Variants in PLEKHG4B observed in about 807,000 individuals in gnomAD.
The protein encoded by PLEKHG4B is pleckstrin homology domain-containing family G member 4B.
Under a neutral mutation model 121.3 loss-of-function variants are expected in PLEKHG4B, and 111 were observed. That is an observed-to-expected ratio of 0.92 (90% CI 0.78 to 1.07). The LOEUF is 1.07. PLEKHG4B is among the 50% of genes least tolerant of loss of function. The pLI is 0.00. For synonymous variants in PLEKHG4B, 738 were observed against 725.0 expected (o/e 1.02, Z -0.29); for missense variants, 1,831 against 1,757.8 (o/e 1.04, Z -0.74).
chr5:155,725 C>T (rs149017783), intron 9 of PLEKHG4B, among the ~76,000 whole-genome samples: 30 of 152,314 alleles, frequency 2.0e-4, no homozygotes, highest in African/African-American at 5.3e-4. Flanking sequence ...GCCATTCCAA[C>T]AAGACACAGA....
intron 6 of PLEKHG4B, among the ~76,000 whole-genome samples, chr5:146,402 C>T: frequency 6.9e-6 from 1 of 145,414 alleles, no homozygotes; most frequent in Non-Finnish European, 1.5e-5. Context: ...TGTAGCCCTC[C>T]ATCCTCTCCC....
chr5:120,442 A>C (rs1734434469), intron 2 of PLEKHG4B, among the ~76,000 whole-genome samples: 1 of 152,220 alleles, frequency 6.6e-6, no homozygotes, highest in Non-Finnish European at 1.5e-5. Flanking sequence ...TTGAAACTAG[A>C]GATAGGCTGA....
rs906666890 is a variant in PLEKHG4B, at chr5:187,352, T to A, written c.*5029T>A. 2 of 152,332 alleles carry A rather than the reference T, an allele frequency of 1.3e-5. No individual in the cohort carries two copies. The highest frequency in any genetic ancestry group is 2.9e-5 in the Non-Finnish European group (2 of 68,150). 9.4% of individuals were successfully genotyped at this position (152,332 alleles called of 1,614,324 possible). A position where few individuals can be genotyped will look rare whatever the true frequency, so the allele number is the denominator to read the frequency against. On this transcript the variant is annotated 3_prime_UTR_variant, in exon 20 of 20. Transcript: ENST00000637938. ...GTGAGGGCTGTGGCTTAGCTGGGCC[T>A]GCGTCCATCCCCGGTTCTGGGGAGA...
intron 16 of PLEKHG4B, 35 bp downstream of exon 16, chr5:171,479 T>C (rs771941195): frequency 1.3e-6 from 2 of 1,527,242 alleles, no homozygotes; most frequent in Non-Finnish European, 1.8e-6. Flanking sequence ...TCAGGCAAGC[T>C]GGGGGAATTT....
At chr5:136,252 T>C (rs1382792273) in intron 2 of PLEKHG4B, among the ~76,000 whole-genome samples, 1 of 152,126 alleles carries the variant, frequency 6.6e-6, no homozygotes, top group Non-Finnish European at 1.5e-5. Context: ...CTTCATGACA[T>C]CCAATTTGGC....
intron 2 of PLEKHG4B, among the ~76,000 whole-genome samples, chr5:134,835 C>T (rs2126387842): frequency 6.6e-6 from 1 of 150,646 alleles, no homozygotes; most frequent in East Asian, 2.0e-4. Context: ...TTGGAGGATA[C>T]AAAATCAACA....
chr5:144,643 A>G (rs1050008355), intron 5 of PLEKHG4B, among the ~76,000 whole-genome samples, 184 bp from the exon 6 acceptor site: 3 of 152,214 alleles, frequency 2.0e-5, no homozygotes, highest in African/African-American at 7.2e-5. Flanking sequence ...CGAGAGGAAC[A>G]ACGTCAGTGC....
intron 2 of PLEKHG4B, among the ~76,000 whole-genome samples, chr5:119,084 T>C (rs1734391551): frequency 6.6e-6 from 1 of 152,132 alleles, no homozygotes; most frequent in Non-Finnish European, 1.5e-5. Flanking sequence ...GGTCTCAAAC[T>C]CCTGGGCTTA....
Position 113,587 on chromosome 5 carries a change from C to G in PLEKHG4B, c.243+139C>G. 1 of 397,890 alleles carries G rather than the reference C, an allele frequency of 2.5e-6. No homozygotes were observed. Among genetic ancestry groups the G allele is most frequent in the Non-Finnish European group, 4.4e-6 (1 of 226,160 alleles). 24.6% of individuals were successfully genotyped at this position (397,890 alleles called of 1,614,324 possible). Reference sequence around the variant, plus strand: ...GCTTCTGGCTCCTCCCACCCTCATCCCAAATGAAGGGTCAAACAAGGCTGC... The same window carrying G: ...GCTTCTGGCTCCTCCCACCCTCATCGCAAATGAAGGGTCAAACAAGGCTGC... On this transcript the variant is annotated intron_variant, in intron 2 of 19. Coordinates refer to ENST00000637938, the MANE Select transcript of PLEKHG4B (RefSeq NM_052909.5). The surrounding 1 kb of genome is among the most constrained non-coding windows in gnomAD (Gnocchi z 5.2).
chr5:101,822 G>A (rs371528845), intron 1 of PLEKHG4B, among the ~76,000 whole-genome samples: 247 of 56,786 alleles, frequency 4.3e-3, no homozygotes, highest in African/African-American at 7.7e-3. Context: ...AAGCCCTGGA[G>A]AAAGTCTATA....
intron 6 of PLEKHG4B, among the ~76,000 whole-genome samples, chr5:147,900 T>C (rs1189480638): frequency 6.6e-6 from 1 of 152,080 alleles, no homozygotes; most frequent in African/African-American, 2.4e-5. Flanking sequence ...CCTGACCAAG[T>C]ACAGTTTGTT....
Position 169,329 on chromosome 5 carries a change from G to C in PLEKHG4B, c.3477-11G>C. 1 of 1,613,292 alleles carries C rather than the reference G, an allele frequency of 6.2e-7. No individual in the cohort carries two copies. Among genetic ancestry groups the C allele is most frequent in the Non-Finnish European group, 8.5e-7 (1 of 1,179,480 alleles). On this transcript the variant is annotated splice_polypyrimidine_tract_variant and intron_variant, in intron 13 of 19. Coordinates refer to ENST00000637938, the MANE Select transcript of PLEKHG4B (RefSeq NM_052909.5). ...GGGCCGTGTGCCCCCCGGGATCTCT[G>C]TGTCTTCCAGCAGCCGACTGAGGCA...
chr5:170,424 T>C (rs1736504505), intron 14 of PLEKHG4B, among the ~76,000 whole-genome samples: 2 of 152,088 alleles, frequency 1.3e-5, no homozygotes, highest in African/African-American at 4.8e-5. Context: ...TGCCTCAGCC[T>C]CTTGAGTAGC....
At chr5:92,618 G>GAAC (rs897933421) in intron 1 of PLEKHG4B, among the ~76,000 whole-genome samples, 8 of 151,602 alleles carry the variant, frequency 5.3e-5, no homozygotes, top group Non-Finnish European at 1.2e-4. Context: ...GCTGCTGCGG[G>GAAC]AACGGGAGGG....
intron 2 of PLEKHG4B, among the ~76,000 whole-genome samples, chr5:121,267 A>G (rs563184016): frequency 6.6e-6 from 1 of 152,180 alleles, no homozygotes; most frequent in East Asian, 1.9e-4. Context: ...GAAAAAGAAA[A>G]TGGAAATCTC....
chr5:128,442 T>TA (rs1307588665), intron 2 of PLEKHG4B, among the ~76,000 whole-genome samples: 3 of 152,182 alleles, frequency 2.0e-5, no homozygotes, highest in Admixed American at 1.3e-4. Context: ...TAGGCAAGAT[T>TA]AAAAAAATCA....
In PLEKHG4B at chr5:117,594, T is replaced by C. The variant is rs113736366; in HGVS notation, c.243+4146T>C. 3.2e-3 allele frequency among the ~76,000 whole-genome samples: 486 copies of C among 152,348 alleles called. 1 individual carries two copies. The highest frequency in any genetic ancestry group is 0.011 in the African/African-American group (441 of 41,578). On this transcript the variant is annotated intron_variant, in intron 2 of 19. Coordinates refer to ENST00000637938, the MANE Select transcript of PLEKHG4B (RefSeq NM_052909.5). The stretch of plus-strand genomic sequence containing the variant: ...AGGGCCCGGTGCGGTGGCTCACACC[T>C]GTAATCCCAGCACTTTGGGAGGCCG...
At chr5:160,182 G>A (rs1299638265) in intron 11 of PLEKHG4B, among the ~76,000 whole-genome samples, 1 of 152,234 alleles carries the variant, frequency 6.6e-6, no homozygotes, top group Non-Finnish European at 1.5e-5. Context: ...GGCGGCCTCG[G>A]CACCCTGTGT....
At chr5:167,045 G>C (rs1653699880) in intron 13 of PLEKHG4B, among the ~76,000 whole-genome samples, 2 of 152,200 alleles carry the variant, frequency 1.3e-5, no homozygotes, top group African/African-American at 4.8e-5. Context: ...ACACAGGAAG[G>C]GGGGACTCCT....
Sources: gnomAD v4.1 joint callset for allele counts (sites outside exome capture counted in the v4.1 genomes callset) on GRCh38, gnomAD v4.1.1 for gene constraint, Gnocchi (gnomAD v3.1) non-coding constraint, MANE v1.5 for transcripts, NCBI Gene and HGNC (gene_info 2026-07-23, HGNC 2026-07-21) for gene names.